The following CFAP210 variants were observed in gnomAD, a reference collection of about 807,000 sequenced individuals.
CFAP210 encodes cilia and flagella associated protein 210.
chr2:169,666,719 T>C, the CFAP210 span, among the ~76,000 whole-genome samples: 4 of 152,152 alleles, frequency 2.6e-5, no homozygotes, highest in African/African-American at 9.7e-5. Flanking sequence ...GTAATGCTGT[T>C]GGATGGCATT....
the CFAP210 span, among the ~76,000 whole-genome samples, chr2:169,692,665 T>C: frequency 6.6e-6 from 1 of 152,232 alleles, no homozygotes; most frequent in Non-Finnish European, 1.5e-5. Context: ...ATGCCTCTGA[T>C]AGCTGTGATA....
the CFAP210 span, among the ~76,000 whole-genome samples, chr2:169,692,344 G>A: frequency 6.6e-6 from 1 of 152,078 alleles, no homozygotes; most frequent in African/African-American, 2.4e-5. Context: ...GAGAAAGCTA[G>A]TATCGAGGTG....
At chr2:169,673,869 A>G in the CFAP210 span, among the ~76,000 whole-genome samples, 1 of 152,172 alleles carries the variant, frequency 6.6e-6, no homozygotes, top group African/African-American at 2.4e-5. Flanking sequence ...TTTTATTTCA[A>G]TAAGGCTGAT....
At chr2:169,661,640 A>G in the CFAP210 span, among the ~76,000 whole-genome samples, 1 of 151,816 alleles carries the variant, frequency 6.6e-6, no homozygotes, top group Non-Finnish European at 1.5e-5. Flanking sequence ...ATTCCTCACA[A>G]CTCTCAAGAA....
the CFAP210 span, chr2:169,650,243 G>A: frequency 4.2e-5 from 55 of 1,313,838 alleles, no homozygotes; most frequent in Non-Finnish European, 5.3e-5. Flanking sequence ...CTAGTTTTTG[G>A]TTAGAGAGGC....
At chr2:169,681,195 G>A in the CFAP210 span, 1 of 1,613,598 alleles carries the variant, frequency 6.2e-7, no homozygotes, top group Admixed American at 1.7e-5. Flanking sequence ...GGTAGAAGAG[G>A]CAGATAGAGA....
the CFAP210 span, among the ~76,000 whole-genome samples, chr2:169,685,430 T>C: frequency 1.3e-5 from 2 of 152,234 alleles, no homozygotes; most frequent in African/African-American, 4.8e-5. Flanking sequence ...TCAGTTCAAA[T>C]CATTTGTCCC....
chr2:169,671,345 G>A, the CFAP210 span, among the ~76,000 whole-genome samples: 1 of 152,164 alleles, frequency 6.6e-6, no homozygotes, highest in Admixed American at 6.5e-5. Context: ...CTTCTGCAAA[G>A]CCTTCTCTAG....
the CFAP210 span, among the ~76,000 whole-genome samples, chr2:169,646,787 C>T: frequency 1.3e-5 from 2 of 152,046 alleles, no homozygotes; most frequent in Admixed American, 6.6e-5. Context: ...CAAATTTTGT[C>T]GTTTAATTCT....
At chr2:169,675,038 C>G in the CFAP210 span, 1 of 1,495,274 alleles carries the variant, frequency 6.7e-7, no homozygotes, top group East Asian at 2.5e-5. Flanking sequence ...GTTCTTTCAT[C>G]CCCTGTAAAA....
the CFAP210 span, chr2:169,674,475 G>C: frequency 1.0e-6 from 1 of 980,864 alleles, no homozygotes; most frequent in Non-Finnish European, 1.5e-6. Context: ...TTTTTCTACT[G>C]ACTAATTATT....
chr2:169,647,549 C>T, the CFAP210 span, among the ~76,000 whole-genome samples: 1 of 133,566 alleles, frequency 7.5e-6, no homozygotes, highest in Non-Finnish European at 1.6e-5. Context: ...CAAAAAAAAT[C>T]AAGTATTCTG....
chr2:169,659,556 T>A, the CFAP210 span, among the ~76,000 whole-genome samples: 1 of 152,150 alleles, frequency 6.6e-6, no homozygotes, highest in African/African-American at 2.4e-5. Context: ...AGGAGGATGG[T>A]GTTAAACCAT....
chr2:169,646,262 G>A, the CFAP210 span: 3 of 1,042,840 alleles, frequency 2.9e-6, no homozygotes, highest in Non-Finnish European at 4.2e-6. Flanking sequence ...ATTTGAAAAT[G>A]TAGGTATAAT....
the CFAP210 span, chr2:169,661,120 T>G: frequency 1.8e-6 from 1 of 560,972 alleles, no homozygotes; most frequent in East Asian, 4.8e-5. Flanking sequence ...TAATGCTGCT[T>G]CTAACCGCTG....
At chr2:169,684,183 G>T in the CFAP210 span, among the ~76,000 whole-genome samples, 1 of 152,072 alleles carries the variant, frequency 6.6e-6, no homozygotes, top group East Asian at 1.9e-4. Flanking sequence ...GACAGAGAGA[G>T]AATATAAATA....
the CFAP210 span, chr2:169,694,376 G>T: frequency 6.4e-7 from 1 of 1,573,548 alleles, no homozygotes; most frequent in Non-Finnish European, 8.7e-7. Context: ...CGCCGCGGAC[G>T]CCAGCCGGTG....
At chr2:169,690,312 T>C in the CFAP210 span, among the ~76,000 whole-genome samples, 1 of 152,246 alleles carries the variant, frequency 6.6e-6, no homozygotes, top group African/African-American at 2.4e-5. Context: ...CTTCCTCTTA[T>C]TTTTTAAAAA....
the CFAP210 span, chr2:169,681,107 A>G: frequency 3.7e-6 from 6 of 1,613,902 alleles, no homozygotes; most frequent in Non-Finnish European, 5.1e-6. Flanking sequence ...TTCTCTTGTC[A>G]ACCTGTCAAG....
Sources: gnomAD v4.1 joint callset for allele counts (sites outside exome capture counted in the v4.1 genomes callset) on GRCh38, gnomAD v4.1.1 for gene constraint, MANE v1.5 for transcripts, NCBI Gene and HGNC (gene_info 2026-07-23, HGNC 2026-07-21) for gene names.